DNAAF8: variants seen among roughly 807,000 people sequenced by gnomAD.
The protein encoded by DNAAF8 is dynein axonemal assembly factor 8.
In DNAAF8, 61 loss-of-function variants were observed where a neutral mutation model predicts 54.6. The ratio of observed to expected loss-of-function variants is 1.12; its 90% confidence interval spans 0.91 to 1.38. DNAAF8 has a LOEUF of 1.38. Ranked by LOEUF, DNAAF8 falls within the 40% of genes most tolerant of loss-of-function variation. The pLI is 0.00. For synonymous variants in DNAAF8, 320 were observed against 270.1 expected (o/e 1.18, Z -1.81); for missense variants, 837 against 665.0 (o/e 1.26, Z -2.85).
chr16:4,745,033 G>C (rs1012954123), intron 6 of DNAAF8, 22 bp downstream of exon 6: 1 of 1,608,324 alleles, frequency 6.2e-7, no homozygotes, highest in Admixed American at 1.7e-5. Context: ...AGCCAGGCCC[G>C]GCTCCTGTGG....
intron 8 of DNAAF8, 104 bp downstream of exon 8, chr16:4,747,129 C>G: frequency 8.0e-7 from 1 of 1,245,822 alleles, no homozygotes; most frequent in Non-Finnish European, 1.1e-6. Context: ...GGTCTTGCTG[C>G]ACCCACCGCA....
Position 4,738,111 on chromosome 16 carries a change from C to T in DNAAF8, c.276+165C>T, listed in dbSNP as rs1249582262. Reference sequence around the variant, plus strand: ...ATTCAGATGCCCAACATCTAACCTCCACGCACCTCCCTCTCCTGGGGAGCC... The same window carrying T: ...ATTCAGATGCCCAACATCTAACCTCTACGCACCTCCCTCTCCTGGGGAGCC... On this transcript the variant is annotated intron_variant, in intron 3 of 9. Coordinates refer to ENST00000299320, the MANE Select transcript of DNAAF8 (RefSeq NM_139170.3). 3 of 852,014 alleles carry T rather than the reference C, an allele frequency of 3.5e-6. No homozygotes were observed. The African/African-American group carries it at 5.1e-5, about 15-fold the overall frequency. 52.8% of individuals were successfully genotyped at this position (852,014 alleles called of 1,614,324 possible).
At chr16:4,746,884 AGGT>A in intron 7 of DNAAF8, 40 bp from the exon 8 acceptor site, 4 of 1,480,524 alleles carry the variant, frequency 2.7e-6, no homozygotes, top group Admixed American at 4.9e-5. Flanking sequence ...TTGGAACACC[AGGT>A]GGAGTGGGCA....
chr16:4,745,952 C>CAAAAAAA (rs58259917), intron 6 of DNAAF8, among the ~76,000 whole-genome samples: 25 of 113,174 alleles, frequency 2.2e-4, no homozygotes, highest in Middle Eastern at 4.5e-3. Flanking sequence ...GACTCTGTCT[C>CAAAAAAA]AAAAAAAAAA....
intron 4 of DNAAF8, among the ~76,000 whole-genome samples, chr16:4,741,784 A>T (rs998973105): frequency 6.6e-6 from 1 of 152,062 alleles, no homozygotes; most frequent in Non-Finnish European, 1.5e-5. Flanking sequence ...CTCCATCTCA[A>T]AAAAAAAGAA....
At chr16:4,741,770 G>A (rs894693156) in intron 4 of DNAAF8, among the ~76,000 whole-genome samples, 3 of 152,064 alleles carry the variant, frequency 2.0e-5, no homozygotes, top group African/African-American at 2.4e-5. Context: ...GTGACAGAGC[G>A]AGACTCCATC....
intron 8 of DNAAF8, 32 bp downstream of exon 8, chr16:4,747,057 G>C (rs112123443): frequency 2.8e-5 from 42 of 1,501,260 alleles, no homozygotes; most frequent in Non-Finnish European, 3.6e-5. Flanking sequence ...GCCACCTGCA[G>C]ATGTCCCACC....
chr16:4,742,504 C>T (rs932011734), intron 4 of DNAAF8, among the ~76,000 whole-genome samples: 7 of 144,446 alleles, frequency 4.8e-5, no homozygotes, highest in African/African-American at 1.8e-4. Context: ...GGTGTTTGTT[C>T]GAGACCAGCC....
chr16:4,746,714 G>C, intron 7 of DNAAF8: 2 of 822,720 alleles, frequency 2.4e-6, no homozygotes. Flanking sequence ...ACCTCCTCGG[G>C]CTGGGCTCTA....
chr16:4,740,689 T>C lies in DNAAF8; in HGVS notation c.783+30T>C, dbSNP rs764034039. ...GCGCCTCCCCGTGCCTGGCTGTTTC[T>C]CAGGCCTGTTACCTGTGGCATGGCT... is the stretch of plus-strand genomic sequence containing the variant. On this transcript the variant is annotated intron_variant, in intron 4 of 9. Transcript: ENST00000299320. The C allele has an allele frequency of 6.1e-5, 95 of 1,547,428 alleles. No individual in the cohort carries two copies. In the Middle Eastern group the frequency reaches 1.8e-3, roughly 29 times the overall value.
chr16:4,747,606 C>G lies in DNAAF8; in HGVS notation c.1544C>G (p.Pro515Arg). 6.2e-7 allele frequency: 1 copy of G among 1,608,930 alleles called. No homozygotes were observed. Among genetic ancestry groups the G allele is most frequent in the Non-Finnish European group, 8.5e-7 (1 of 1,178,400 alleles). ...EPGAAREALMPPLEQL is the reference protein window; with the variant it reads ...EPGAAREALMRPLEQL ...GGGGCAGCCAGGGAGGCCCTGATGC[C>G]TCCTCTGGAGCAACTATAGCTGCCT... The change falls in exon 9 of 10, where the codon CCT (proline) becomes CGT (arginine). Residue 515 changes from proline to arginine, a missense_variant. Pro to Arg is a moderately radical substitution (Grantham distance 103). Transcript: ENST00000299320.
At chr16:4,741,791 A>T (rs1203776293) in intron 4 of DNAAF8, among the ~76,000 whole-genome samples, 1 of 152,192 alleles carries the variant, frequency 6.6e-6, no homozygotes, top group Non-Finnish European at 1.5e-5. Flanking sequence ...TCAAAAAAAA[A>T]GAAATTGGGA....
At chr16:4,738,928 C>G (rs1419594355) in intron 3 of DNAAF8, among the ~76,000 whole-genome samples, 1 of 152,004 alleles carries the variant, frequency 6.6e-6, no homozygotes, top group Non-Finnish European at 1.5e-5. Context: ...TGTAGAGGCA[C>G]TAACCCACTT....
At chr16:4,736,413 C>T (rs2081902107) in intron 1 of DNAAF8, 51 bp from the exon 2 acceptor site, 4 of 1,295,984 alleles carry the variant, frequency 3.1e-6, no homozygotes, top group Non-Finnish European at 4.0e-6. Flanking sequence ...CCCCTGCTCT[C>T]CTGACCTTCA....
Position 4,744,924 on chromosome 16 carries a change from G to A in DNAAF8, c.956G>A (p.Cys319Tyr). 6.2e-7 allele frequency: 1 copy of A among 1,613,896 alleles called. No homozygotes were observed. The highest frequency in any genetic ancestry group is 1.1e-5 in the South Asian group (1 of 91,078). Residue 319 changes from cysteine to tyrosine, a missense_variant, in exon 6 of 10, where the codon TGC (cysteine) becomes TAC (tyrosine). Transcript: ENST00000299320. ...NRLMEQLALLCTTQSKASACA... is the reference protein window; with the variant it reads ...NRLMEQLALLYTTQSKASACA... ...CTCATGGAACAGCTGGCCCTCCTGT[G>A]CACCACGCAGTCCAAGGCCTCTGCT...
At chr16:4,741,907 C>T (rs1033171428) in intron 4 of DNAAF8, among the ~76,000 whole-genome samples, 16 of 152,162 alleles carry the variant, frequency 1.1e-4, no homozygotes, top group African/African-American at 3.9e-4. Flanking sequence ...AACCATCACA[C>T]CGTCTCGGTT....
At position 4,738,883 on chromosome 16, in the gene DNAAF8, C is replaced by CT. The variant is rs139950998; in HGVS notation, c.276+938dup. 6.8e-3 allele frequency among the ~76,000 whole-genome samples: 1,033 copies of CT among 151,656 alleles called. 12 individuals are homozygous for CT. The highest frequency in any genetic ancestry group is 0.024 in the African/African-American group (989 of 41,280). ...CCTGGGCAACAGAGTGAGACTCCAT[C>CT]TAAAAAAAAAATAATAATAAAGAAA... is the stretch of plus-strand genomic sequence containing the variant. On this transcript the variant is annotated intron_variant, in intron 3 of 9. Coordinates refer to ENST00000299320, the MANE Select transcript of DNAAF8 (RefSeq NM_139170.3).
Position 4,744,853 on chromosome 16 carries a change from C to T in DNAAF8, c.902-17C>T. On this transcript the variant is annotated splice_polypyrimidine_tract_variant and intron_variant, in intron 5 of 9. Transcript: ENST00000299320. Reference sequence around the variant, plus strand: ...GCCAAGTCCCCACTAATCAGCCTCTCCTTTGGCCATCCTCAGACCGCATGG... The same window carrying T: ...GCCAAGTCCCCACTAATCAGCCTCTTCTTTGGCCATCCTCAGACCGCATGG... 1 of 1,608,380 alleles carries T rather than the reference C, an allele frequency of 6.2e-7. No individual in the cohort carries two copies. Among genetic ancestry groups the T allele is most frequent in the African/African-American group, 1.3e-5 (1 of 74,928 alleles).
At position 4,739,265 on chromosome 16, in the gene DNAAF8, G is replaced by GTTTTTTT. The variant is rs35113323; in HGVS notation, c.277-873_277-867dup. Among the ~76,000 whole-genome samples, 92 of 69,036 alleles carry GTTTTTTT rather than the reference G, an allele frequency of 1.3e-3. 5 individuals carry two copies. Among genetic ancestry groups the GTTTTTTT allele is most frequent in the African/African-American group, 3.4e-3 (63 of 18,466 alleles). The allele number at this position is 69,036 out of a possible 152,430, so 45.3% of individuals were successfully genotyped here. On this transcript the variant is annotated intron_variant, in intron 3 of 9. Transcript: ENST00000299320. ...AAACTCTTCTGGATGATTTTTTCTT[G>GTTTTTTT]TTTTTTTTTTTTTTTTTTTTTGTAA...
Sources: gnomAD v4.1 joint callset for allele counts (sites outside exome capture counted in the v4.1 genomes callset) on GRCh38, gnomAD v4.1.1 for gene constraint, MANE v1.5 for transcripts, NCBI Gene and HGNC (gene_info 2026-07-23, HGNC 2026-07-21) for gene names.